The following TESK2 variants were observed in gnomAD, a reference collection of about 807,000 sequenced individuals.
TESK2 encodes testis associated actin remodelling kinase 2, also known as dual specificity testis-specific protein kinase 2.
A neutral mutation model predicts 57.1 loss-of-function variants in TESK2; 39 were observed. That is an observed-to-expected ratio of 0.68 (90% CI 0.53 to 0.89). TESK2 has a LOEUF of 0.89. Among genes scored for constraint, TESK2 ranks in the 40% least tolerant of loss-of-function variants. The pLI is 0.00. For synonymous variants in TESK2, 249 were observed against 267.9 expected (o/e 0.93, Z 0.69); for missense variants, 646 against 732.1 (o/e 0.88, Z 1.36).
intron 4 of TESK2, among the ~76,000 whole-genome samples, chr1:45,377,828 C>A: frequency 6.6e-6 from 1 of 150,998 alleles, no homozygotes; most frequent in Non-Finnish European, 1.5e-5. Context: ...GAGTTTGAGA[C>A]CAGCATGGCC....
At chr1:45,472,384 C>T (rs1425780840) in intron 1 of TESK2, among the ~76,000 whole-genome samples, 1 of 151,440 alleles carries the variant, frequency 6.6e-6, no homozygotes, top group African/African-American at 2.4e-5. Context: ...ATGGGGAAAC[C>T]CCACCTCTAC....
intron 1 of TESK2, among the ~76,000 whole-genome samples, chr1:45,479,982 C>T (rs1049772933): frequency 1.3e-5 from 2 of 151,548 alleles, no homozygotes; most frequent in African/African-American, 2.4e-5. Context: ...GCCACCACAC[C>T]CGGCTAATTT....
chr1:45,366,417 C>T (rs1172343115), intron 4 of TESK2, among the ~76,000 whole-genome samples: 1 of 151,842 alleles, frequency 6.6e-6, no homozygotes, highest in Non-Finnish European at 1.5e-5. Context: ...TCATGGAAAG[C>T]ATTCCTTGAT....
chr1:45,478,073 A>G (rs1037934514), intron 1 of TESK2, among the ~76,000 whole-genome samples: 1 of 152,014 alleles, frequency 6.6e-6, no homozygotes. Flanking sequence ...GCCTCATTTG[A>G]CCCCTACCCA....
chr1:45,436,950 A>C (rs568220930), intron 2 of TESK2, among the ~76,000 whole-genome samples: 8 of 152,032 alleles, frequency 5.3e-5, no homozygotes, highest in African/African-American at 1.9e-4. Flanking sequence ...GGCATGTGCC[A>C]TCATGCCTGG....
chr1:45,354,384 G>T (rs1299341802), intron 5 of TESK2, among the ~76,000 whole-genome samples: 1 of 152,142 alleles, frequency 6.6e-6, no homozygotes, highest in Non-Finnish European at 1.5e-5. Context: ...CCAACACTTT[G>T]GGAGGCCAAG....
At chr1:45,447,038 T>G (rs1490637946) in intron 2 of TESK2, among the ~76,000 whole-genome samples, 1 of 152,160 alleles carries the variant, frequency 6.6e-6, no homozygotes, top group Admixed American at 6.5e-5. Flanking sequence ...GGCAACATAG[T>G]GAGACCTCAA....
At chr1:45,474,509 G>A (rs1652905335) in intron 1 of TESK2, among the ~76,000 whole-genome samples, 1 of 151,772 alleles carries the variant, frequency 6.6e-6, no homozygotes, top group South Asian at 2.1e-4. Flanking sequence ...ATGTCTCTCT[G>A]TCGTGCAGGC....
intron 2 of TESK2, among the ~76,000 whole-genome samples, chr1:45,454,967 G>A (rs1652015435): frequency 6.6e-6 from 1 of 152,150 alleles, no homozygotes; most frequent in Non-Finnish European, 1.5e-5. Context: ...ACAGCAAGTA[G>A]AAGATATTAG....
chr1:45,356,495 G>A (rs1019840950), intron 4 of TESK2, among the ~76,000 whole-genome samples: 2 of 151,898 alleles, frequency 1.3e-5, no homozygotes, highest in Admixed American at 6.6e-5. Context: ...GGACGTGATG[G>A]TGCACACATG....
At chr1:45,353,830 A>T (rs1277207184) in intron 5 of TESK2, among the ~76,000 whole-genome samples, 1 of 152,174 alleles carries the variant, frequency 6.6e-6, no homozygotes, top group East Asian at 1.9e-4. Flanking sequence ...GTTTTGTGGC[A>T]TGGCCAACTT....
chr1:45,441,442 G>A (rs914797638), intron 2 of TESK2, among the ~76,000 whole-genome samples: 1 of 152,056 alleles, frequency 6.6e-6, no homozygotes, highest in African/African-American at 2.4e-5. Context: ...CTCCCAGTGT[G>A]CTGAGATTAC....
intron 2 of TESK2, among the ~76,000 whole-genome samples, chr1:45,433,269 G>C (rs1213698594): frequency 4.0e-5 from 6 of 151,472 alleles, no homozygotes; most frequent in Admixed American, 2.0e-4. Context: ...AGTAGAGACA[G>C]GGTTTTGCCA....
At chr1:45,359,130 T>G (rs1006468152) in intron 4 of TESK2, among the ~76,000 whole-genome samples, 5 of 152,228 alleles carry the variant, frequency 3.3e-5, no homozygotes, top group Non-Finnish European at 5.9e-5. Flanking sequence ...CTAGCCCAAT[T>G]CAGCCTCCTA....
chr1:45,467,870 A>G (rs774085666), intron 1 of TESK2, among the ~76,000 whole-genome samples: 10 of 152,034 alleles, frequency 6.6e-5, no homozygotes, highest in Non-Finnish European at 8.8e-5. Flanking sequence ...AACTTATTTA[A>G]GTCCACAAAC....
intron 3 of TESK2, among the ~76,000 whole-genome samples, chr1:45,395,901 T>C (rs1038553790): frequency 6.6e-6 from 1 of 152,188 alleles, no homozygotes; most frequent in Non-Finnish European, 1.5e-5. Flanking sequence ...TATGACAATA[T>C]ATAAACGCTT....
At chr1:45,470,492 T>C (rs895170175) in intron 1 of TESK2, among the ~76,000 whole-genome samples, 1 of 152,234 alleles carries the variant, frequency 6.6e-6, no homozygotes, top group East Asian at 1.9e-4. Context: ...TGGCATCCCT[T>C]ATCTAATTAA....
Position 45,438,998 on chromosome 1 carries a change from G to C in TESK2, c.223-17152C>G, listed in dbSNP as rs1323668433. Among the ~76,000 whole-genome samples the C allele has an allele frequency of 2.6e-5, 4 of 152,192 alleles. No individual in the cohort carries two copies. The East Asian group carries it at 5.8e-4, about 22-fold the overall frequency. On this transcript the variant is annotated intron_variant, in intron 2 of 10. Transcript: ENST00000372086. Reference sequence around the variant, plus strand: ...AAGTTAAAAAATTAGTCAGTTTTTAGTACAGTTGTGACACTGAGGCCACCG... The same window carrying C: ...AAGTTAAAAAATTAGTCAGTTTTTACTACAGTTGTGACACTGAGGCCACCG...
At chr1:45,417,820 T>G (rs1464973738) in intron 3 of TESK2, among the ~76,000 whole-genome samples, 2 of 152,126 alleles carry the variant, frequency 1.3e-5, no homozygotes, top group Non-Finnish European at 2.9e-5. Flanking sequence ...CTCGATCTCC[T>G]GACCTCGTGA....
Sources: gnomAD v4.1 joint callset for allele counts (sites outside exome capture counted in the v4.1 genomes callset) on GRCh38, gnomAD v4.1.1 for gene constraint, MANE v1.5 for transcripts, NCBI Gene and HGNC (gene_info 2026-07-23, HGNC 2026-07-21) for gene names.